The following GRIK1 variants were observed in gnomAD, a reference collection of about 807,000 sequenced individuals.
The protein encoded by GRIK1 is glutamate receptor ionotropic, kainate 1.
In GRIK1, 69 loss-of-function variants were observed where a neutral mutation model predicts 105.7. The observed-to-expected ratio is 0.65, with a 90% CI of 0.54 to 0.80. GRIK1 has a LOEUF of 0.80. GRIK1 is among the 30% of genes least tolerant of loss of function. GRIK1 has a pLI of 0.00. For synonymous variants in GRIK1, 438 were observed against 431.3 expected, an observed-to-expected ratio of 1.02 and a Z score of -0.19; for missense variants, 1,109 against 1,167.3, an observed-to-expected ratio of 0.95 and a Z score of 0.73.
chr21:29,763,903 T>G (rs981350054), intron 1 of GRIK1: 2 of 152,228 alleles, frequency 1.3e-5, no homozygotes, highest in Non-Finnish European at 2.9e-5. Flanking sequence ...AAGCTGCTGA[T>G]TCAGAAAGAG....
chr21:29,587,990 T>TTTTTTTTTG lies in GRIK1; in HGVS notation c.1570-402_1570-401insCAAAAAAAA, dbSNP rs1491321446. 1.3e-4 allele frequency among the ~76,000 whole-genome samples: 17 copies of TTTTTTTTTG among 131,280 alleles called. 1 individual carries two copies. The highest frequency in any genetic ancestry group is 4.4e-4 in the African/African-American group (14 of 31,508). The allele number at this position is 131,280 out of a possible 152,430, so 86.1% of individuals were successfully genotyped here. Reference sequence around the variant, plus strand: ...TTTTTTTTTTTTTTTTTTTTTTTTTTGTGAGGCGGAGTCTCACTCTGTCGC... The same window carrying TTTTTTTTTG: ...TTTTTTTTTTTTTTTTTTTTTTTTTTTTTTTTTTGGTGAGGCGGAGTCTCACTCTGTCGC... On this transcript the variant is annotated intron_variant, in intron 11 of 17. Transcript: ENST00000327783.
At chr21:29,729,568 C>T (rs1319936536) in intron 1 of GRIK1, among the ~76,000 whole-genome samples, 1 of 152,100 alleles carries the variant, frequency 6.6e-6, no homozygotes, top group Non-Finnish European at 1.5e-5. Context: ...TACATTCTAC[C>T]AGGGTAGACA....
chr21:29,858,127 G>A (rs74666680), intron 1 of GRIK1, among the ~76,000 whole-genome samples: 4,179 of 152,166 alleles, frequency 0.027, 70 homozygotes, highest in Non-Finnish European at 0.041. Context: ...TCGAACTCCC[G>A]GCCCCAAGTG....
chr21:29,939,291 C>T (rs1250480498), intron 1 of GRIK1, 92 bp downstream of exon 1: 2 of 751,152 alleles, frequency 2.7e-6, no homozygotes, highest in Admixed American at 2.3e-5. Flanking sequence ...GCTCCTGCGC[C>T]GCCGCGCGCT....
At chr21:29,746,424 T>G (rs993000248) in intron 1 of GRIK1, among the ~76,000 whole-genome samples, 1 of 152,250 alleles carries the variant, frequency 6.6e-6, no homozygotes, top group African/African-American at 2.4e-5. Flanking sequence ...ATAAGTGATT[T>G]AATCACAATT....
At chr21:29,804,274 A>T (rs2066794964) in intron 1 of GRIK1, among the ~76,000 whole-genome samples, 2 of 152,168 alleles carry the variant, frequency 1.3e-5, no homozygotes, top group Non-Finnish European at 1.5e-5. Context: ...CCAAATTTTC[A>T]TCAGAGAAAA....
At chr21:29,871,970 C>A (rs2069028808) in intron 1 of GRIK1, among the ~76,000 whole-genome samples, 2 of 151,708 alleles carry the variant, frequency 1.3e-5, no homozygotes, top group Non-Finnish European at 2.9e-5. Context: ...CGCCTTGTTG[C>A]CCAGGCTGGT....
intron 16 of GRIK1, among the ~76,000 whole-genome samples, chr21:29,539,786 T>C (rs1462431765): frequency 6.6e-6 from 1 of 152,156 alleles, no homozygotes; most frequent in Non-Finnish European, 1.5e-5. Flanking sequence ...TTATTACATA[T>C]TATACCCTTT....
At chr21:29,562,655 CA>C (rs559992451) in intron 14 of GRIK1, among the ~76,000 whole-genome samples, 113 of 141,410 alleles carry the variant, frequency 8.0e-4, no homozygotes, top group African/African-American at 1.5e-3. Flanking sequence ...GACTCTGTCT[CA>C]AAAAAAAAAA....
chr21:29,563,326 G>C (rs745970620), intron 14 of GRIK1, among the ~76,000 whole-genome samples: 2 of 152,190 alleles, frequency 1.3e-5, no homozygotes, highest in Non-Finnish European at 2.9e-5. Context: ...GGTTAATACT[G>C]TAGGGTTTAT....
intron 4 of GRIK1, among the ~76,000 whole-genome samples, chr21:29,659,910 C>T (rs533054118): frequency 1.2e-4 from 18 of 152,032 alleles, no homozygotes; most frequent in Admixed American, 6.5e-4. Flanking sequence ...TGTGGTGAGC[C>T]GAGATCAGGC....
At chr21:29,845,035 T>C (rs1213461592) in intron 1 of GRIK1, among the ~76,000 whole-genome samples, 1 of 152,210 alleles carries the variant, frequency 6.6e-6, no homozygotes, top group African/African-American at 2.4e-5. Context: ...ATATTATTCC[T>C]TCCTGCATGC....
chr21:29,742,090 T>G (rs2064944954), intron 1 of GRIK1, among the ~76,000 whole-genome samples: 1 of 152,192 alleles, frequency 6.6e-6, no homozygotes, highest in South Asian at 2.1e-4. Context: ...TAAAAATAAA[T>G]TAGTTGCAAA....
At chr21:29,582,344 C>G (rs998943827) in intron 12 of GRIK1, 1 of 470,496 alleles carries the variant, frequency 2.1e-6, no homozygotes, top group Non-Finnish European at 4.4e-6. Context: ...ATCAGCAACC[C>G]TGGTTCGGTA....
chr21:29,855,832 C>T (rs779107635), intron 1 of GRIK1, among the ~76,000 whole-genome samples: 8 of 151,914 alleles, frequency 5.3e-5, no homozygotes, highest in South Asian at 2.1e-4. Context: ...GAGACACGAT[C>T]GGTAGGATTT....
rs537053369 is a variant in GRIK1 at position 29,762,485 on chromosome 21, C to A, written c.119-68422G>T. On this transcript the variant is annotated intron_variant, in intron 1 of 17. Transcript: ENST00000327783. ...CTTACAACTTATTCATCCTAGTCTT[C>A]AATTATTACAGCTATTTAAGTGATA... 2.0e-5 allele frequency among the ~76,000 whole-genome samples: 3 copies of A among 152,300 alleles called. 1 individual carries two copies. Among genetic ancestry groups the A allele is most frequent in the African/African-American group, 7.2e-5 (3 of 41,566 alleles).
chr21:29,671,164 C>T (rs2063152679), intron 4 of GRIK1, among the ~76,000 whole-genome samples: 1 of 151,862 alleles, frequency 6.6e-6, no homozygotes. Context: ...ACTCTGTTGC[C>T]CAGGCTGGAG....
chr21:29,709,264 C>T (rs1324489817), intron 1 of GRIK1, among the ~76,000 whole-genome samples: 1 of 150,410 alleles, frequency 6.6e-6, no homozygotes. Flanking sequence ...CTATAGGATC[C>T]ATTTACTCTT....
chr21:29,898,092 T>C (rs1205568505), intron 1 of GRIK1, among the ~76,000 whole-genome samples: 1 of 152,218 alleles, frequency 6.6e-6, no homozygotes, highest in Non-Finnish European at 1.5e-5. Context: ...CTCATACATG[T>C]TCTAATAATC....
Sources: allele counts gnomAD v4.1 joint callset (sites outside exome capture counted in the v4.1 genomes callset), GRCh38; gene constraint gnomAD v4.1.1; transcripts MANE v1.5; gene names NCBI Gene and HGNC (gene_info 2026-07-23, HGNC 2026-07-21).